ALPK1: variants seen among roughly 807,000 people sequenced by gnomAD.
The protein encoded by ALPK1 is alpha-protein kinase 1.
Under a neutral mutation model 120.6 loss-of-function variants are expected in ALPK1, and 110 were observed. The ratio of observed to expected loss-of-function variants is 0.91; its 90% CI spans 0.78 to 1.07. The LOEUF (loss-of-function observed/expected upper bound fraction) is 1.07. Among genes scored for constraint, ALPK1 ranks in the 50% least tolerant of loss-of-function variants. The probability of loss-of-function intolerance (pLI) is 0.00; values close to 1 mark genes in which losing one functional copy is unlikely to be tolerated. For missense variants in ALPK1, 1,498 were observed against 1,483.9 expected (o/e 1.01, Z -0.16); for synonymous variants, 582 against 560.3 (o/e 1.04, Z -0.55).
chr4:112,384,906 A>G (rs1199889626), intron 4 of ALPK1: 4 of 152,256 alleles, frequency 2.6e-5, no homozygotes, highest in Non-Finnish European at 5.9e-5. Flanking sequence ...GCAAAAGCTG[A>G]TGGTCACTTT....
At chr4:112,328,985 T>G (rs1300088689) in intron 2 of ALPK1, among the ~76,000 whole-genome samples, 2 of 152,212 alleles carry the variant, frequency 1.3e-5, no homozygotes, top group Non-Finnish European at 2.9e-5. Flanking sequence ...CTCCGTCATT[T>G]ATCACAAGGC....
chr4:112,325,847 T>C (rs1440722049), intron 2 of ALPK1, among the ~76,000 whole-genome samples: 1 of 152,222 alleles, frequency 6.6e-6, no homozygotes, highest in Non-Finnish European at 1.5e-5. Context: ...AGGGAAGGCC[T>C]TGTTTTAAGA....
chr4:112,438,619 A>G lies in ALPK1; in HGVS notation c.3324A>G (p.Ile1108Met). 2 of 1,613,796 alleles carry G rather than the reference A, an allele frequency of 1.2e-6. No individual in the cohort carries two copies. The highest frequency in any genetic ancestry group is 1.7e-6 in the Non-Finnish European group (2 of 1,179,764). The change falls in exon 13 of 16, where the codon ATA becomes ATG. Residue 1108 changes from isoleucine (I) to methionine (M), a missense_variant. Transcript: ENST00000650871. ...ATGAACAAAACATTCCCACCCAGAT[A>G]TTCTACATCCCATCCACAATACTAC... Reference protein sequence around the residue: ...RLYEQNIPTQIFYIPSTILLI... With the variant: ...RLYEQNIPTQMFYIPSTILLI...
At position 112,422,337 on chromosome 4, in the gene ALPK1, T is replaced by C. The variant is rs115341975; in HGVS notation, c.476-1607T>C. 6.4e-3 allele frequency among the ~76,000 whole-genome samples: 974 copies of C among 152,330 alleles called. 5 individuals are homozygous for C. Among genetic ancestry groups the C allele is most frequent in the Non-Finnish European group, 0.011 (752 of 68,026 alleles). On this transcript the variant is annotated intron_variant, in intron 5 of 15. Coordinates refer to ENST00000650871, the MANE Select transcript of ALPK1 (RefSeq NM_025144.4). The stretch of plus-strand genomic sequence containing the variant: ...AGGTTATTGCTTTCTTCCTGTACTT[T>C]ATCTTGGGTAACTAAAAGATACACA...
chr4:112,382,546 G>C lies in ALPK1; in HGVS notation c.270G>C (p.Gln90His), dbSNP rs767852928. 1 of 1,614,140 alleles carries C rather than the reference G, an allele frequency of 6.2e-7. No individual in the cohort carries two copies. The highest frequency in any genetic ancestry group is 2.2e-5 in the East Asian group (1 of 44,882). The change falls in exon 4 of 16, where the codon CAG (glutamine) becomes CAC (histidine). Residue 90 changes from glutamine (Q) to histidine (H), a missense_variant. Transcript: ENST00000650871. ...LKDVIGAGLQ[Q>H]LLASLRASIL... ...ATGTGATTGGCGCCGGGTTGCAGCA[G>C]TTACTGGTAGGAAGAGCCACACCAC...
rs370054603 is a variant in ALPK1 at position 112,431,867 on chromosome 4, G to T, written c.2320G>T (p.Ala774Ser). The change falls in exon 11 of 16, where the codon GCA (alanine) becomes TCA (serine). Residue 774 changes from alanine (A) to serine (S), a missense_variant. Coordinates refer to ENST00000650871, the MANE Select transcript of ALPK1 (RefSeq NM_025144.4). Reference protein sequence around the residue: ...EQGEEISERGAGPTFKASPSW... With the variant: ...EQGEEISERGSGPTFKASPSW... ...GGGAGAAGAAATTAGTGAAAGAGGC[G>T]CAGGCCCTACATTTAAAGCTAGTCC... 28 of 1,613,834 alleles carry T rather than the reference G, an allele frequency of 1.7e-5. No homozygotes were observed. The highest frequency in any genetic ancestry group is 2.4e-5 in the Non-Finnish European group (28 of 1,180,046).
intron 12 of ALPK1, 100 bp from the exon 13 acceptor site, chr4:112,438,384 T>G: frequency 2.7e-6 from 3 of 1,098,050 alleles, no homozygotes; most frequent in Non-Finnish European, 4.0e-6. Flanking sequence ...AAAGAGATCT[T>G]TCAAGCATTT....
rs201790706 is a variant in ALPK1 at position 112,402,170 on chromosome 4, CT to C, written c.277-9653del. On this transcript the variant is annotated intron_variant, in intron 4 of 15. Transcript: ENST00000650871. ...CCACCTCCCTTCCATATTTCCCTGC[CT>C]TTTACCAATCTCCCAATTTGTTATG... 9.3e-4 allele frequency among the ~76,000 whole-genome samples: 141 copies of C among 152,348 alleles called. 2 individuals carry two copies. In the East Asian group the frequency reaches 0.021, roughly 23 times the overall value.
At chr4:112,416,559 G>GGAGT (rs1432821026) in intron 5 of ALPK1, among the ~76,000 whole-genome samples, 2 of 152,120 alleles carry the variant, frequency 1.3e-5, no homozygotes, top group East Asian at 3.8e-4. Context: ...TTACACTGAA[G>GGAGT]GAGTATATCT....
chr4:112,427,851 C>A, intron 9 of ALPK1, 186 bp downstream of exon 9: 1 of 547,184 alleles, frequency 1.8e-6, no homozygotes, highest in East Asian at 2.9e-5. Flanking sequence ...TATCCCAGCG[C>A]CTAGCACTGT....
At chr4:112,357,625 C>A in intron 2 of ALPK1, 1 of 1,607,674 alleles carries the variant, frequency 6.2e-7, no homozygotes, top group Non-Finnish European at 8.5e-7. Context: ...CCTGGAGAAC[C>A]CACACATCAT....
intron 11 of ALPK1, among the ~76,000 whole-genome samples, chr4:112,434,781 A>T (rs1734719366): frequency 6.6e-6 from 1 of 152,202 alleles, no homozygotes. Context: ...TAATAATAGT[A>T]AGTTGCAAGC....
chr4:112,335,005 TCCCAGCA>T, intron 2 of ALPK1, among the ~76,000 whole-genome samples: 1 of 152,290 alleles, frequency 6.6e-6, no homozygotes, highest in Non-Finnish European at 1.5e-5. Flanking sequence ...ATGCCTGTAA[TCCCAGCA>T]CTTGGGAGGC....
chr4:112,311,163 T>A (rs1340842895), intron 1 of ALPK1, among the ~76,000 whole-genome samples: 1 of 152,104 alleles, frequency 6.6e-6, no homozygotes, highest in Non-Finnish European at 1.5e-5. Context: ...AGTGAATAGA[T>A]CATAGGGTGG....
chr4:112,394,016 A>G (rs1042368550), intron 4 of ALPK1, among the ~76,000 whole-genome samples: 1 of 152,218 alleles, frequency 6.6e-6, no homozygotes, highest in African/African-American at 2.4e-5. Context: ...AAAGCTGGAG[A>G]GAAATTCAGA....
chr4:112,402,478 A>G (rs13104183), intron 4 of ALPK1, among the ~76,000 whole-genome samples: 43,363 of 152,166 alleles, frequency 0.28, 6,336 homozygotes, highest in Middle Eastern at 0.33. Context: ...TCATCTGTGT[A>G]TCGAAATCTC....
chr4:112,359,368 AG>A (rs1730803727), intron 2 of ALPK1: 1 of 375,082 alleles, frequency 2.7e-6, no homozygotes, highest in Non-Finnish European at 5.1e-6. Flanking sequence ...GACCTGGACA[AG>A]GTGCTGGCCC....
intron 4 of ALPK1, among the ~76,000 whole-genome samples, chr4:112,399,277 T>C (rs568674681): frequency 6.6e-6 from 1 of 152,294 alleles, no homozygotes; most frequent in Admixed American, 6.5e-5. Context: ...CAGGAGAATA[T>C]GCAATGACAG....
intron 2 of ALPK1, among the ~76,000 whole-genome samples, chr4:112,349,567 T>C (rs2148710151): frequency 1.1e-5 from 1 of 93,700 alleles, no homozygotes; most frequent in Middle Eastern, 5.5e-3. Context: ...CCCCGCTTTA[T>C]TTTTGAGACA....
Sources: gnomAD v4.1 joint callset for allele counts (sites outside exome capture counted in the v4.1 genomes callset) on GRCh38, gnomAD v4.1.1 for gene constraint, MANE v1.5 for transcripts, NCBI Gene and HGNC (gene_info 2026-07-23, HGNC 2026-07-21) for gene names.